Variants in PARD3 observed in about 807,000 individuals in gnomAD.
PARD3 encodes par-3 family cell polarity regulator.
Under a neutral mutation model 155.4 loss-of-function variants are expected in PARD3, and 75 were observed. The observed-to-expected ratio is 0.48, with a 90% CI of 0.40 to 0.58. PARD3 has a LOEUF of 0.58. Among genes scored for constraint, PARD3 ranks in the 20% least tolerant of loss-of-function variants. PARD3 has a pLI of 0.00. For missense variants in PARD3, 1,642 were observed against 1,721.7 expected (o/e 0.95, Z 0.82); for synonymous variants, 576 against 610.5 (o/e 0.94, Z 0.83).
intron 5 of PARD3, among the ~76,000 whole-genome samples, chr10:34,416,543 G>A (rs943177396): frequency 6.6e-6 from 1 of 152,184 alleles, no homozygotes; most frequent in African/African-American, 2.4e-5. Flanking sequence ...TCAGGGCCAG[G>A]CTTCCCTCAG....
chr10:34,522,635 C>T (rs1197948743), intron 2 of PARD3, among the ~76,000 whole-genome samples: 1 of 152,120 alleles, frequency 6.6e-6, no homozygotes, highest in Non-Finnish European at 1.5e-5. Context: ...CTTGGATCTA[C>T]ACAGGAATAG....
chr10:34,673,874 C>A (rs987458294), intron 2 of PARD3, among the ~76,000 whole-genome samples: 1 of 151,846 alleles, frequency 6.6e-6, no homozygotes, highest in African/African-American at 2.4e-5. Flanking sequence ...GCCTGTGATC[C>A]CAGCTATGTG....
intron 1 of PARD3, among the ~76,000 whole-genome samples, chr10:34,771,265 C>A (rs757440840): frequency 3.3e-5 from 5 of 152,196 alleles, no homozygotes. Context: ...GGAAGAAAGA[C>A]GGTGCAGCTC....
intron 22 of PARD3, among the ~76,000 whole-genome samples, chr10:34,192,606 TG>T (rs1323850293): frequency 6.6e-6 from 1 of 152,236 alleles, no homozygotes; most frequent in African/African-American, 2.4e-5. Flanking sequence ...CTTCTGTCCC[TG>T]GCACAGCTGG....
intron 5 of PARD3, among the ~76,000 whole-genome samples, chr10:34,437,567 T>C (rs1281220639): frequency 1.3e-5 from 2 of 151,918 alleles, no homozygotes; most frequent in African/African-American, 2.4e-5. Flanking sequence ...AAGAAAAAAA[T>C]TCATCTCCAA....
chr10:34,550,435 C>T (rs550126264), intron 2 of PARD3, among the ~76,000 whole-genome samples: 2 of 152,160 alleles, frequency 1.3e-5, no homozygotes, highest in Non-Finnish European at 2.9e-5. Flanking sequence ...TGGTCTCGAA[C>T]TCCTAAGCCC....
intron 1 of PARD3, among the ~76,000 whole-genome samples, chr10:34,752,636 T>A (rs947390392): frequency 2.6e-5 from 4 of 151,852 alleles, no homozygotes; most frequent in Non-Finnish European, 5.9e-5. Flanking sequence ...AATCATTACA[T>A]CAAATACTTG....
At chr10:34,750,030 T>TACACACACACAC (rs71984849) in intron 1 of PARD3, among the ~76,000 whole-genome samples, 5 of 140,688 alleles carry the variant, frequency 3.6e-5, no homozygotes, top group Non-Finnish European at 7.8e-5. Context: ...TCAAAAAAAG[T>TACACACACACAC]ACACACACAC....
At chr10:34,741,164 C>T (rs112036970) in intron 1 of PARD3, among the ~76,000 whole-genome samples, 76 of 131,634 alleles carry the variant, frequency 5.8e-4, no homozygotes, top group African/African-American at 1.2e-3. Context: ...GCTGTGTTTT[C>T]GTAAACCAAA....
chr10:34,156,605 G>C (rs563522343), intron 22 of PARD3, among the ~76,000 whole-genome samples: 1 of 152,124 alleles, frequency 6.6e-6, no homozygotes, highest in Admixed American at 6.5e-5. Flanking sequence ...AAGAAAACTC[G>C]GAAGCGATGA....
chr10:34,149,873 C>T (rs1451941874), intron 22 of PARD3, among the ~76,000 whole-genome samples: 11 of 152,132 alleles, frequency 7.2e-5, no homozygotes, highest in Non-Finnish European at 1.5e-4. Flanking sequence ...TGAGATTAAA[C>T]TGATGTACAA....
At chr10:34,352,351 C>G (rs915197986) in intron 14 of PARD3, among the ~76,000 whole-genome samples, 1 of 152,216 alleles carries the variant, frequency 6.6e-6, no homozygotes, top group South Asian at 2.1e-4. Flanking sequence ...CCCCTCTCCC[C>G]TCTCCCCTCT....
intron 9 of PARD3, among the ~76,000 whole-genome samples, chr10:34,382,250 T>C (rs1381156167): frequency 6.6e-6 from 1 of 152,220 alleles, no homozygotes; most frequent in Admixed American, 6.5e-5. Context: ...TCAAAAATTT[T>C]ACTACAGTAA....
intron 2 of PARD3, among the ~76,000 whole-genome samples, chr10:34,689,251 A>G (rs1653800844): frequency 6.6e-6 from 1 of 152,242 alleles, no homozygotes; most frequent in South Asian, 2.1e-4. Context: ...ATCAGGATCG[A>G]ATGTCAGAGC....
intron 21 of PARD3, among the ~76,000 whole-genome samples, chr10:34,281,209 C>T (rs1956142665): frequency 6.6e-6 from 1 of 152,042 alleles, no homozygotes; most frequent in African/African-American, 2.4e-5. Context: ...GGAAATGAGC[C>T]AGTAGAGGCG....
chr10:34,799,576 C>G (rs968667336), intron 1 of PARD3, among the ~76,000 whole-genome samples: 2 of 152,148 alleles, frequency 1.3e-5, no homozygotes, highest in South Asian at 4.2e-4. Context: ...GGAAAAAACC[C>G]TGTTCTTCTC....
At chr10:34,640,430 A>C (rs1025626099) in intron 2 of PARD3, among the ~76,000 whole-genome samples, 2 of 152,152 alleles carry the variant, frequency 1.3e-5, no homozygotes, top group Non-Finnish European at 2.9e-5. Flanking sequence ...CAGCCTGTCT[A>C]ACATGGTGAA....
intron 2 of PARD3, among the ~76,000 whole-genome samples, chr10:34,579,841 T>C (rs372874940): frequency 1.3e-5 from 2 of 151,172 alleles, no homozygotes; most frequent in African/African-American, 4.9e-5. Flanking sequence ...CTCCTGACCT[T>C]GTGATCCGCC....
At chr10:34,731,600 G>A (rs1310197373) in intron 1 of PARD3, among the ~76,000 whole-genome samples, 1 of 152,062 alleles carries the variant, frequency 6.6e-6, no homozygotes, top group Non-Finnish European at 1.5e-5. Context: ...GAACTTAAAG[G>A]GATTGCAAAG....
Sources: allele counts gnomAD v4.1 joint callset (sites outside exome capture counted in the v4.1 genomes callset), GRCh38; gene constraint gnomAD v4.1.1; transcripts MANE v1.5; gene names NCBI Gene and HGNC (gene_info 2026-07-23, HGNC 2026-07-21).